Variants in CALN1 observed in about 807,000 individuals in gnomAD.
The protein encoded by CALN1 is calneuron 1.
CALN1 carries 17 observed loss-of-function variants against 30.6 expected under a neutral mutation model. The observed-to-expected ratio is 0.56, with a 90% CI of 0.38 to 0.83. CALN1 has a LOEUF of 0.83. Among genes scored for constraint, CALN1 ranks in the 40% least tolerant of loss-of-function variants. The pLI is 0.00. For synonymous variants in CALN1, 156 were observed against 131.4 expected (o/e 1.19, Z -1.28); for missense variants, 291 against 354.9 (o/e 0.82, Z 1.45).
intron 4 of CALN1, among the ~76,000 whole-genome samples, chr7:72,058,069 C>A (rs773098607): frequency 6.6e-6 from 1 of 152,124 alleles, no homozygotes; most frequent in African/African-American, 2.4e-5. Context: ...GATCATTTCA[C>A]GCAAAATTAG....
At chr7:72,004,539 C>A (rs957678587) in intron 5 of CALN1, among the ~76,000 whole-genome samples, 14 of 152,072 alleles carry the variant, frequency 9.2e-5, no homozygotes, top group African/African-American at 2.7e-4. Flanking sequence ...AAAGCTAGAC[C>A]ACATCAAAAT....
chr7:72,333,236 CA>C (rs1053875842), intron 2 of CALN1, among the ~76,000 whole-genome samples: 5 of 152,242 alleles, frequency 3.3e-5, no homozygotes, highest in Admixed American at 2.0e-4. Flanking sequence ...TCTCTGTTCA[CA>C]AATGTTCAAC....
At chr7:72,219,570 A>G (rs576701714) in intron 3 of CALN1, among the ~76,000 whole-genome samples, 208 of 152,170 alleles carry the variant, frequency 1.4e-3, no homozygotes, top group African/African-American at 4.7e-3. Flanking sequence ...TTCAGAATCA[A>G]TCAGAGGTGC....
At chr7:72,315,788 G>A (rs1297782723) in intron 2 of CALN1, among the ~76,000 whole-genome samples, 1 of 152,070 alleles carries the variant, frequency 6.6e-6, no homozygotes, top group Non-Finnish European at 1.5e-5. Flanking sequence ...TTTCATTGCT[G>A]CTGGAAATTA....
chr7:72,470,918 A>G, the CALN1 span, among the ~76,000 whole-genome samples: 36,016 of 151,776 alleles, frequency 0.24, 4,865 homozygotes, highest in Non-Finnish European at 0.31. Context: ...AAGACAGTTG[A>G]CCCCCACGTG....
intron 3 of CALN1, among the ~76,000 whole-genome samples, chr7:72,225,495 G>A (rs1793607305): frequency 6.6e-6 from 1 of 151,982 alleles, no homozygotes; most frequent in Non-Finnish European, 1.5e-5. Flanking sequence ...TGGCCAATGG[G>A]GAAAAGAGGT....
At chr7:72,381,808 G>A (rs556889174) in intron 2 of CALN1, among the ~76,000 whole-genome samples, 1 of 152,274 alleles carries the variant, frequency 6.6e-6, no homozygotes, top group African/African-American at 2.4e-5. Context: ...CATGGCACAT[G>A]TATACTTATG....
At chr7:72,353,436 GATGA>G (rs1488706131) in intron 2 of CALN1, among the ~76,000 whole-genome samples, 1 of 151,936 alleles carries the variant, frequency 6.6e-6, no homozygotes, top group African/African-American at 2.4e-5. Context: ...AATTCTAAAA[GATGA>G]ATCAATTTAA....
intron 2 of CALN1, among the ~76,000 whole-genome samples, chr7:72,335,751 A>C (rs995731840): frequency 6.6e-6 from 1 of 152,206 alleles, no homozygotes; most frequent in Non-Finnish European, 1.5e-5. Flanking sequence ...GAGCAGTGGG[A>C]AACGATGGTG....
intron 1 of CALN1, among the ~76,000 whole-genome samples, chr7:72,404,461 G>C (rs991978072): frequency 6.6e-6 from 1 of 152,214 alleles, no homozygotes; most frequent in African/African-American, 2.4e-5. Flanking sequence ...GTGAAGTTCA[G>C]AGAGTGTAAA....
chr7:71,824,015 A>G (rs901678994), intron 5 of CALN1, among the ~76,000 whole-genome samples: 2 of 152,090 alleles, frequency 1.3e-5, no homozygotes, highest in East Asian at 1.9e-4. Flanking sequence ...GCTCCCTCCC[A>G]TGACACGTGG....
intron 4 of CALN1, among the ~76,000 whole-genome samples, chr7:72,049,576 T>C (rs1802698443): frequency 6.6e-6 from 1 of 152,170 alleles, no homozygotes; most frequent in Non-Finnish European, 1.5e-5. Context: ...GGCACCATCT[T>C]GGCTCACTGC....
intron 1 of CALN1, among the ~76,000 whole-genome samples, chr7:72,408,452 A>G (rs971062691): frequency 6.6e-6 from 1 of 151,820 alleles, no homozygotes; most frequent in South Asian, 2.1e-4. Context: ...AAAAAATTAA[A>G]CACACACACA....
chr7:71,929,905 G>T (rs554480190), intron 5 of CALN1, among the ~76,000 whole-genome samples: 22 of 152,170 alleles, frequency 1.4e-4, no homozygotes, highest in African/African-American at 5.3e-4. Flanking sequence ...GCTGTCCCTC[G>T]GTATCTGTGG....
intron 5 of CALN1, among the ~76,000 whole-genome samples, chr7:72,007,441 G>A (rs1799835597): frequency 6.6e-6 from 1 of 152,144 alleles, no homozygotes; most frequent in African/African-American, 2.4e-5. Context: ...CAGCTACTTG[G>A]GAGGCTGAAG....
At chr7:72,123,195 A>G (rs1808510490) in intron 3 of CALN1, among the ~76,000 whole-genome samples, 1 of 152,206 alleles carries the variant, frequency 6.6e-6, no homozygotes, top group African/African-American at 2.4e-5. Flanking sequence ...AAACCAAGAC[A>G]GCTCAGGTGC....
At chr7:72,162,272 G>A (rs964248074) in intron 3 of CALN1, among the ~76,000 whole-genome samples, 2 of 152,064 alleles carry the variant, frequency 1.3e-5, no homozygotes, top group African/African-American at 4.8e-5. Context: ...TTGGCAGAAA[G>A]TATTGGTTTC....
At chr7:72,049,331 C>T (rs1584827097) in intron 4 of CALN1, among the ~76,000 whole-genome samples, 1 of 151,972 alleles carries the variant, frequency 6.6e-6, no homozygotes, top group African/African-American at 2.4e-5. Flanking sequence ...CAAAAGGATC[C>T]GAGAATACTA....
intron 3 of CALN1, among the ~76,000 whole-genome samples, chr7:72,276,197 C>A (rs1255861240): frequency 6.6e-6 from 1 of 152,152 alleles, no homozygotes; most frequent in Non-Finnish European, 1.5e-5. Context: ...TGGGGGACTC[C>A]CAGTCCCTCC....
Sources: gnomAD v4.1 joint callset for allele counts (sites outside exome capture counted in the v4.1 genomes callset) on GRCh38, gnomAD v4.1.1 for gene constraint, MANE v1.5 for transcripts, NCBI Gene and HGNC (gene_info 2026-07-23, HGNC 2026-07-21) for gene names.